IL33: variants seen among roughly 807,000 people sequenced by gnomAD.
IL33 encodes the protein interleukin-33.
Under a neutral mutation model 27.3 loss-of-function variants are expected in IL33, and 37 were observed. The observed-to-expected ratio is 1.36, with a 90% CI of 1.04 to 1.78. The LOEUF (loss-of-function observed/expected upper bound fraction) is 1.78, where lower values mean the gene tolerates loss of function less well. IL33 is among the 40% of genes most tolerant of loss of function. The probability of loss-of-function intolerance (pLI) is 0.00; values close to 1 mark genes in which losing one functional copy is unlikely to be tolerated. For missense variants in IL33, 406 were observed against 311.4 expected (o/e 1.30, Z -2.29); for synonymous variants, 132 against 102.9 (o/e 1.28, Z -1.71).
chr9:6,250,998 T>A, intron 3 of IL33, 142 bp from the exon 4 acceptor site: 2 of 1,030,972 alleles, frequency 1.9e-6, no homozygotes, highest in South Asian at 3.5e-5. Flanking sequence ...CCAAGAGGTA[T>A]CAATCCCTTT....
intron 7 of IL33, among the ~76,000 whole-genome samples, chr9:6,255,062 T>C (rs916413208): frequency 6.6e-6 from 1 of 152,174 alleles, no homozygotes; most frequent in Non-Finnish European, 1.5e-5. Flanking sequence ...AGCGTTTCCA[T>C]GTGCCAAGAT....
intron 4 of IL33, among the ~76,000 whole-genome samples, chr9:6,252,088 C>G (rs60601220): frequency 1.4e-5 from 1 of 72,460 alleles, no homozygotes. Context: ...CAAAACAAAA[C>G]AAAAAAACCA....
At chr9:6,222,129 T>A (rs1818439236) in intron 1 of IL33, among the ~76,000 whole-genome samples, 1 of 152,186 alleles carries the variant, frequency 6.6e-6, no homozygotes, top group Non-Finnish European at 1.5e-5. Context: ...TTTATGGAAA[T>A]GAAATATCCA....
Position 6,217,573 on chromosome 9 carries a change from T to C in IL33, c.-12+1721T>C, listed in dbSNP as rs10124842. Among the ~76,000 whole-genome samples the C allele has an allele frequency of 6.6e-3, 999 of 152,258 alleles. 8 individuals are homozygous for C. Among genetic ancestry groups the C allele is most frequent in the African/African-American group, 0.022 (914 of 41,544 alleles). On this transcript the variant is annotated intron_variant, in intron 1 of 7. Coordinates refer to ENST00000682010, the MANE Select transcript of IL33 (RefSeq NM_033439.4). ...TCACTGTCAGTTTCAAATACAAGAA[T>C]TGAGAGGTACCACCCCCTCAAAAAT...
Position 6,250,484 on chromosome 9 carries a change from G to C in IL33, c.102G>C (p.Gln34His), listed in dbSNP as rs1306430000. ...TTTTCAATTGTTTAGAATCCCAACA[G>C]AAGGCCAAAGAAGTTTGCCCCATGT... is the stretch of plus-strand genomic sequence containing the variant. ...ALCFKLGKSQ[Q>H]KAKEVCPMYF... is the part of the protein sequence containing the mutation. The change falls in exon 3 of 8, where the codon CAG (glutamine) becomes CAC (histidine). Residue 34 changes from glutamine to histidine, a missense_variant. By Grantham distance (24) the Gln-to-His change is conservative. Transcript: ENST00000682010. 2 of 1,613,126 alleles carry C rather than the reference G, an allele frequency of 1.2e-6. No homozygotes were observed. Among genetic ancestry groups the C allele is most frequent in the East Asian group, 2.2e-5 (1 of 44,882 alleles).
chr9:6,257,694 C>A lies in IL33; in HGVS notation c.*1526C>A, dbSNP rs557598112. The A allele has an allele frequency of 3.9e-5, 6 of 152,364 alleles. No individual in the cohort carries two copies. The highest frequency in any genetic ancestry group is 3.3e-4 in the Admixed American group (5 of 15,278). 9.4% of individuals were successfully genotyped at this position (152,364 alleles called of 1,614,324 possible). ...GAAAATACATACTTTTACATTTCTA[C>A]TTTATTGAGACCTATTAGATGTAAG... is the stretch of plus-strand genomic sequence containing the variant. On this transcript the variant is annotated 3_prime_UTR_variant, in exon 8 of 8. Transcript: ENST00000682010.
intron 1 of IL33, among the ~76,000 whole-genome samples, chr9:6,236,749 T>C (rs776890790): frequency 6.6e-6 from 1 of 152,180 alleles, no homozygotes; most frequent in South Asian, 2.1e-4. Flanking sequence ...ATACACCTTG[T>C]AGTCCCAGCT....
chr9:6,257,701 G>C lies in IL33; in HGVS notation c.*1533G>C, dbSNP rs1816819528. ...CATACTTTTACATTTCTACTTTATTGAGACCTATTAGATGTAAGTGCTAGT... is the reference window on the plus strand; with the variant it reads ...CATACTTTTACATTTCTACTTTATTCAGACCTATTAGATGTAAGTGCTAGT... On this transcript the variant is annotated 3_prime_UTR_variant, in exon 8 of 8. Coordinates refer to ENST00000682010, the MANE Select transcript of IL33 (RefSeq NM_033439.4). The C allele has an allele frequency of 1.3e-5, 2 of 152,070 alleles. No individual in the cohort carries two copies. Among genetic ancestry groups the C allele is most frequent in the African/African-American group, 4.8e-5 (2 of 41,380 alleles). 9.4% of individuals were successfully genotyped at this position (152,070 alleles called of 1,614,324 possible). A position where few individuals can be genotyped will look rare whatever the true frequency, so the allele number is the denominator to read the frequency against.
At chr9:6,223,771 G>T (rs917609347) in intron 1 of IL33, among the ~76,000 whole-genome samples, 2 of 152,112 alleles carry the variant, frequency 1.3e-5, no homozygotes, top group African/African-American at 4.8e-5. Flanking sequence ...ACTGAACAAG[G>T]CTTAAAACTT....
chr9:6,230,671 T>C (rs775088435), intron 1 of IL33, among the ~76,000 whole-genome samples: 10 of 152,172 alleles, frequency 6.6e-5, no homozygotes, highest in South Asian at 2.1e-4. Flanking sequence ...AGCCAGGACC[T>C]GTCTTCTTCC....
chr9:6,241,593 T>C (rs1212723369), intron 1 of IL33, 91 bp from the exon 2 acceptor site: 3 of 661,436 alleles, frequency 4.5e-6, no homozygotes, highest in Non-Finnish European at 7.9e-6. Flanking sequence ...TATATGGTTA[T>C]GTTACCAATT....
At chr9:6,250,726 A>G (rs1816302897) in intron 3 of IL33, 127 bp downstream of exon 3, 2 of 1,099,048 alleles carry the variant, frequency 1.8e-6, no homozygotes, top group Non-Finnish European at 2.5e-6. Flanking sequence ...AGAATGATGA[A>G]CTGGTTTTTA....
intron 1 of IL33, among the ~76,000 whole-genome samples, chr9:6,232,221 G>C (rs1196090473): frequency 6.6e-6 from 1 of 152,148 alleles, no homozygotes; most frequent in Non-Finnish European, 1.5e-5. Context: ...AATGATGGTG[G>C]AATACATAGT....
chr9:6,244,421 C>A (rs1481770838), intron 2 of IL33, among the ~76,000 whole-genome samples: 1 of 152,046 alleles, frequency 6.6e-6, no homozygotes, highest in Non-Finnish European at 1.5e-5. Context: ...CCTATATATA[C>A]TATGTTTTTT....
At chr9:6,241,852 C>A in intron 2 of IL33, 67 bp downstream of exon 2, 1 of 1,049,432 alleles carries the variant, frequency 9.5e-7, no homozygotes, top group East Asian at 2.6e-5. Flanking sequence ...TATTTATACT[C>A]CAATGTTTAT....
chr9:6,231,506 C>T (rs1221919247), intron 1 of IL33, among the ~76,000 whole-genome samples: 1 of 152,186 alleles, frequency 6.6e-6, no homozygotes, highest in Non-Finnish European at 1.5e-5. Context: ...GTCACCTTCT[C>T]TGACTACACT....
At position 6,250,822 on chromosome 9, in the gene IL33, A is replaced by G. The variant is rs1019747382; in HGVS notation, c.217+223A>G. Among the ~76,000 whole-genome samples the G allele has an allele frequency of 7.9e-5, 12 of 152,260 alleles. No homozygotes were observed. The South Asian group carries it at 1.2e-3, about 16-fold the overall frequency. Reference sequence around the variant, plus strand: ...AATGTTAAGTGAAAACAAAAGATACATAACTATGTGTAAATATGTTTACAA... The same window carrying G: ...AATGTTAAGTGAAAACAAAAGATACGTAACTATGTGTAAATATGTTTACAA... On this transcript the variant is annotated intron_variant, in intron 3 of 7. Coordinates refer to ENST00000682010, the MANE Select transcript of IL33 (RefSeq NM_033439.4).
chr9:6,215,876 T>C (rs1044782615), intron 1 of IL33, 24 bp downstream of exon 1: 2 of 151,344 alleles, frequency 1.3e-5, no homozygotes, highest in African/African-American at 2.4e-5. Flanking sequence ...TTCTGGGAGA[T>C]TTTTAGTCAG....
intron 1 of IL33, among the ~76,000 whole-genome samples, chr9:6,223,098 C>T (rs553917407): frequency 1.3e-5 from 2 of 152,166 alleles, no homozygotes; most frequent in African/African-American, 4.8e-5. Context: ...CCTTTGGTTT[C>T]CCCCAGAGGT....
Sources: allele counts gnomAD v4.1 joint callset (sites outside exome capture counted in the v4.1 genomes callset), GRCh38; gene constraint gnomAD v4.1.1; transcripts MANE v1.5; gene names NCBI Gene and HGNC (gene_info 2026-07-23, HGNC 2026-07-21).